UQCC1: variants seen among roughly 807,000 people sequenced by gnomAD.
The protein encoded by UQCC1 is bFGF-repressed Zic-binding protein.
In UQCC1, 38 loss-of-function variants were observed where a neutral mutation model predicts 48.0. The observed-to-expected ratio is 0.79, with a 90% CI of 0.61 to 1.04. The LOEUF (loss-of-function observed/expected upper bound fraction) is 1.04, where lower values mean the gene tolerates loss of function less well. Among genes scored for constraint, UQCC1 ranks in the 50% least tolerant of loss-of-function variants. The probability of loss-of-function intolerance (pLI) is 0.00; values close to 1 mark genes in which losing one functional copy is unlikely to be tolerated. For synonymous variants in UQCC1, 111 were observed against 129.2 expected, an observed-to-expected ratio of 0.86 and a Z score of 0.95; for missense variants, 368 against 381.8, an observed-to-expected ratio of 0.96 and a Z score of 0.30.
intron 7 of UQCC1, chr20:35,315,078 A>G (rs2061042211): frequency 5.3e-6 from 1 of 187,274 alleles, no homozygotes; most frequent in Non-Finnish European, 1.1e-5. Flanking sequence ...AGCACAGTCC[A>G]ATGTAGGAAA....
rs559279780 is a variant in UQCC1, at chr20:35,393,943, G to C, written c.129+149C>G. On this transcript the variant is annotated intron_variant, in intron 2 of 9. Coordinates refer to ENST00000374385, the MANE Select transcript of UQCC1 (RefSeq NM_018244.5). Reference sequence around the variant, plus strand: ...CAACGCCCTAGACACCATACTTTAGGAATCAGTCCTAAGTTGGCACCACAG... The same window carrying C: ...CAACGCCCTAGACACCATACTTTAGCAATCAGTCCTAAGTTGGCACCACAG... The C allele has an allele frequency of 6.1e-6, 4 of 655,884 alleles. No homozygotes were observed. The Admixed American group carries it at 7.6e-5, about 12-fold the overall frequency. 40.6% of individuals were successfully genotyped at this position (655,884 alleles called of 1,614,324 possible).
intron 7 of UQCC1, among the ~76,000 whole-genome samples, chr20:35,328,584 G>A (rs914560268): frequency 6.6e-6 from 1 of 151,358 alleles, no homozygotes; most frequent in Non-Finnish European, 1.5e-5. Context: ...AGGTCACATG[G>A]CTAGGGCAGG....
At chr20:35,312,961 A>C (rs1435344378) in intron 8 of UQCC1, among the ~76,000 whole-genome samples, 1 of 152,196 alleles carries the variant, frequency 6.6e-6, no homozygotes, top group East Asian at 1.9e-4. Context: ...AAGATGGAAA[A>C]GCTCTGGAGA....
chr20:35,403,282 A>G (rs1012221562), intron 1 of UQCC1, among the ~76,000 whole-genome samples: 1 of 152,216 alleles, frequency 6.6e-6, no homozygotes, highest in Non-Finnish European at 1.5e-5. Flanking sequence ...AGAATAGATT[A>G]GAATAACTGG....
At chr20:35,384,966 C>CAAAAAA (rs57141083) in intron 2 of UQCC1, among the ~76,000 whole-genome samples, 7 of 69,748 alleles carry the variant, frequency 1.0e-4, no homozygotes, top group African/African-American at 4.4e-4. Context: ...GAATCGGTCT[C>CAAAAAA]AAAAAAAAAA....
At chr20:35,333,636 G>A (rs968597493) in intron 7 of UQCC1, among the ~76,000 whole-genome samples, 1 of 150,906 alleles carries the variant, frequency 6.6e-6, no homozygotes, top group Non-Finnish European at 1.5e-5. Flanking sequence ...TCTCCAACAG[G>A]AACAGGGCAA....
In UQCC1 at chr20:35,394,046, T is replaced by A. The variant is rs747810330; in HGVS notation, c.129+46A>T. The A allele has an allele frequency of 6.4e-6, 10 of 1,564,274 alleles. No individual in the cohort carries two copies. The South Asian group carries it at 1.1e-4, about 17-fold the overall frequency. On this transcript the variant is annotated intron_variant, in intron 2 of 9. Coordinates refer to ENST00000374385, the MANE Select transcript of UQCC1 (RefSeq NM_018244.5). ...TCTATAAATACATGACATTTGCACA[T>A]AAACACTAAGGTTTTCATACTAAGC... is the stretch of plus-strand genomic sequence containing the variant.
intron 1 of UQCC1, 81 bp from the exon 2 acceptor site, chr20:35,394,277 G>A (rs1330327202): frequency 8.4e-6 from 10 of 1,194,396 alleles, no homozygotes; most frequent in Non-Finnish European, 1.1e-5. Flanking sequence ...CTGTGATACT[G>A]TAATATAATT....
intron 7 of UQCC1, among the ~76,000 whole-genome samples, chr20:35,331,935 T>C (rs2061261871): frequency 6.6e-6 from 1 of 152,240 alleles, no homozygotes; most frequent in Non-Finnish European, 1.5e-5. Flanking sequence ...TAAGCCATAT[T>C]GTTTAAGTCA....
chr20:35,317,835 G>A lies in UQCC1; in HGVS notation c.574-3070C>T, dbSNP rs190306401. ...GTTTTAGGGGATTTTCTTCTTCTTCGCCTTTCTTTCCCCCTGTTGAATACC... is the reference window on the plus strand; with the variant it reads ...GTTTTAGGGGATTTTCTTCTTCTTCACCTTTCTTTCCCCCTGTTGAATACC... On this transcript the variant is annotated intron_variant, in intron 7 of 9. Coordinates refer to ENST00000374385, the MANE Select transcript of UQCC1 (RefSeq NM_018244.5). 2.6e-3 allele frequency among the ~76,000 whole-genome samples: 399 copies of A among 152,212 alleles called. 1 individual carries two copies. Among genetic ancestry groups the A allele is most frequent in the African/African-American group, 9.2e-3 (383 of 41,534 alleles).
chr20:35,331,446 G>A (rs1356735232), intron 7 of UQCC1, among the ~76,000 whole-genome samples: 1 of 151,128 alleles, frequency 6.6e-6, no homozygotes, highest in Non-Finnish European at 1.5e-5. Flanking sequence ...AGTAGGAGGT[G>A]TGAGAAAACT....
chr20:35,308,899 A>G (rs1038032117), intron 8 of UQCC1, among the ~76,000 whole-genome samples: 1 of 152,130 alleles, frequency 6.6e-6, no homozygotes, highest in African/African-American at 2.4e-5. Flanking sequence ...TATTTTTAGT[A>G]GAGACAGGGT....
chr20:35,387,363 A>C (rs1000354561), intron 2 of UQCC1, among the ~76,000 whole-genome samples: 2 of 152,152 alleles, frequency 1.3e-5, no homozygotes, highest in African/African-American at 4.8e-5. Context: ...GACAAACTCA[A>C]GCGATTCTTG....
intron 1 of UQCC1, among the ~76,000 whole-genome samples, chr20:35,402,772 G>A (rs997743549): frequency 6.6e-6 from 1 of 151,672 alleles, no homozygotes. Context: ...CAGCCTGGGT[G>A]ACAGAGTGAG....
At chr20:35,410,353 G>A (rs1006188551) in intron 1 of UQCC1, among the ~76,000 whole-genome samples, 11 of 151,518 alleles carry the variant, frequency 7.3e-5, no homozygotes, top group African/African-American at 2.4e-4. Flanking sequence ...CCAACATGGT[G>A]AAACTCCATC....
chr20:35,386,005 ACAT>A (rs1162512974), intron 2 of UQCC1, among the ~76,000 whole-genome samples: 1 of 152,068 alleles, frequency 6.6e-6, no homozygotes, highest in Non-Finnish European at 1.5e-5. Context: ...CTACACTGAC[ACAT>A]CATCATCACT....
intron 6 of UQCC1, among the ~76,000 whole-genome samples, chr20:35,364,934 G>A (rs1185562148): frequency 6.6e-6 from 1 of 152,074 alleles, no homozygotes; most frequent in African/African-American, 2.4e-5. Context: ...AGTTCCCCTA[G>A]CCTTCTTGCA....
At chr20:35,358,698 T>C (rs928622021) in intron 6 of UQCC1, among the ~76,000 whole-genome samples, 3 of 152,068 alleles carry the variant, frequency 2.0e-5, no homozygotes, top group Non-Finnish European at 2.9e-5. Flanking sequence ...TAGCTGGGAT[T>C]ACAGGCACCC....
intron 7 of UQCC1, among the ~76,000 whole-genome samples, chr20:35,333,583 G>A (rs958440388): frequency 2.6e-5 from 4 of 152,132 alleles, no homozygotes; most frequent in African/African-American, 9.7e-5. Context: ...ATACACGAGT[G>A]ACTGTGTATG....
Sources: allele counts gnomAD v4.1 joint callset (sites outside exome capture counted in the v4.1 genomes callset), GRCh38; gene constraint gnomAD v4.1.1; transcripts MANE v1.5; gene names NCBI Gene and HGNC (gene_info 2026-07-23, HGNC 2026-07-21).